The following GRXCR1 variants were observed in gnomAD, a reference collection of about 807,000 sequenced individuals.
GRXCR1 encodes the protein glutaredoxin domain-containing cysteine-rich protein 1.
A neutral mutation model predicts 27.3 loss-of-function variants in GRXCR1; 27 were observed. That is an observed-to-expected ratio of 0.99 (90% CI 0.73 to 1.37). GRXCR1 has a LOEUF of 1.37. GRXCR1 is among the 40% of genes most tolerant of loss of function. The probability of loss-of-function intolerance (pLI) is 0.00; values close to 1 mark genes in which losing one functional copy is unlikely to be tolerated. For synonymous variants in GRXCR1, 122 were observed against 131.1 expected, an observed-to-expected ratio of 0.93 and a Z score of 0.47; for missense variants, 379 against 354.4, an observed-to-expected ratio of 1.07 and a Z score of -0.56.
chr4:42,977,189 T>C (rs987903787), intron 2 of GRXCR1, among the ~76,000 whole-genome samples: 3 of 152,036 alleles, frequency 2.0e-5, no homozygotes, highest in Non-Finnish European at 4.4e-5. Context: ...TGTGTATATA[T>C]ATTTCACATT....
intron 1 of GRXCR1, among the ~76,000 whole-genome samples, chr4:42,921,221 G>A (rs1319111614): frequency 6.6e-6 from 1 of 152,034 alleles, no homozygotes; most frequent in Admixed American, 6.6e-5. Context: ...TAGTGAGAAG[G>A]CATCATCTAC....
intron 2 of GRXCR1, among the ~76,000 whole-genome samples, chr4:42,984,760 G>A (rs1421257718): frequency 1.3e-5 from 2 of 152,192 alleles, no homozygotes; most frequent in East Asian, 1.9e-4. Context: ...AGGCCTGCCT[G>A]TTGATGAGAG....
intron 1 of GRXCR1, among the ~76,000 whole-genome samples, chr4:42,946,698 CTCTT>C (rs1311344794): frequency 6.6e-6 from 1 of 152,124 alleles, no homozygotes. Flanking sequence ...TCCCTCTGGC[CTCTT>C]TTATAAAGGC....
At chr4:42,907,233 G>A (rs1287914265) in intron 1 of GRXCR1, among the ~76,000 whole-genome samples, 1 of 152,114 alleles carries the variant, frequency 6.6e-6, no homozygotes, top group Non-Finnish European at 1.5e-5. Context: ...TCAGTAGCTT[G>A]GGGGTGCATC....
At chr4:42,910,817 T>C (rs1254638046) in intron 1 of GRXCR1, among the ~76,000 whole-genome samples, 4 of 152,154 alleles carry the variant, frequency 2.6e-5, no homozygotes. Context: ...TTTTATATTG[T>C]CTGATTCTTT....
intron 1 of GRXCR1, among the ~76,000 whole-genome samples, chr4:42,914,905 C>T (rs1421424295): frequency 1.3e-5 from 2 of 152,086 alleles, no homozygotes; most frequent in Non-Finnish European, 2.9e-5. Flanking sequence ...TAAGGGGCTT[C>T]TCCCTTTGCT....
At chr4:42,924,632 G>A (rs1747104157) in intron 1 of GRXCR1, among the ~76,000 whole-genome samples, 1 of 151,950 alleles carries the variant, frequency 6.6e-6, no homozygotes. Flanking sequence ...ATGAATGCTA[G>A]GAATGTTTCT....
chr4:43,019,129 C>T (rs2109806564), intron 2 of GRXCR1, among the ~76,000 whole-genome samples: 1 of 152,272 alleles, frequency 6.6e-6, no homozygotes, highest in East Asian at 1.9e-4. Flanking sequence ...TCTTTGAGGT[C>T]CAGATCAAAT....
chr4:42,947,013 C>T (rs1747759012), intron 1 of GRXCR1, among the ~76,000 whole-genome samples: 1 of 151,940 alleles, frequency 6.6e-6, no homozygotes, highest in Non-Finnish European at 1.5e-5. Context: ...GAAGGGCTCC[C>T]TAGAGATAGT....
At chr4:42,937,685 C>T (rs1454225111) in intron 1 of GRXCR1, among the ~76,000 whole-genome samples, 1 of 151,886 alleles carries the variant, frequency 6.6e-6, no homozygotes, top group Non-Finnish European at 1.5e-5. Context: ...CCACTCTCAA[C>T]AATAAGAAAC....
chr4:42,951,217 T>G (rs1449042842), intron 1 of GRXCR1, among the ~76,000 whole-genome samples: 8 of 152,220 alleles, frequency 5.3e-5, no homozygotes, highest in Admixed American at 2.0e-4. Flanking sequence ...TCTGCCTTTT[T>G]GTTCTATTCA....
chr4:42,999,601 C>T (rs2109795547), intron 2 of GRXCR1, among the ~76,000 whole-genome samples: 1 of 152,330 alleles, frequency 6.6e-6, no homozygotes, highest in South Asian at 2.1e-4. Context: ...ATGCCTCTCC[C>T]ATCCTCAGGT....
At chr4:42,929,150 T>C (rs1445220286) in intron 1 of GRXCR1, among the ~76,000 whole-genome samples, 1 of 151,990 alleles carries the variant, frequency 6.6e-6, no homozygotes, top group Non-Finnish European at 1.5e-5. Flanking sequence ...TCTTATTATA[T>C]TGTGCATAGG....
chr4:42,956,224 G>A (rs1748000549), intron 1 of GRXCR1, among the ~76,000 whole-genome samples: 1 of 152,008 alleles, frequency 6.6e-6, no homozygotes, highest in Non-Finnish European at 1.5e-5. Context: ...GGAAAAAATG[G>A]CCTATCTTTA....
intron 2 of GRXCR1, among the ~76,000 whole-genome samples, chr4:42,970,790 G>C (rs187176611): frequency 2.0e-5 from 3 of 152,048 alleles, no homozygotes; most frequent in Non-Finnish European, 4.4e-5. Context: ...TCCTTTTTAC[G>C]TATGCAAATT....
At chr4:42,940,125 C>G (rs1747580705) in intron 1 of GRXCR1, among the ~76,000 whole-genome samples, 2 of 151,930 alleles carry the variant, frequency 1.3e-5, no homozygotes, top group Admixed American at 1.3e-4. Flanking sequence ...TTTCTGAGTT[C>G]TTCATGGTGA....
intron 2 of GRXCR1, among the ~76,000 whole-genome samples, chr4:43,001,435 G>A (rs1437242754): frequency 6.6e-6 from 1 of 152,136 alleles, no homozygotes; most frequent in Non-Finnish European, 1.5e-5. Flanking sequence ...AAAGTATCCA[G>A]TTTAAAATGC....
chr4:42,928,458 G>T (rs185026061), intron 1 of GRXCR1, among the ~76,000 whole-genome samples: 1 of 151,962 alleles, frequency 6.6e-6, no homozygotes, highest in South Asian at 2.1e-4. Flanking sequence ...GTAAGGTCCT[G>T]TTGGCAGGGG....
chr4:42,964,736 A>G (rs1466820899), intron 2 of GRXCR1, among the ~76,000 whole-genome samples: 2 of 151,942 alleles, frequency 1.3e-5, no homozygotes, highest in Non-Finnish European at 2.9e-5. Flanking sequence ...TTTTAGGACC[A>G]CAAACAGGTC....
Sources: gnomAD v4.1 joint callset for allele counts (sites outside exome capture counted in the v4.1 genomes callset) on GRCh38, gnomAD v4.1.1 for gene constraint, MANE v1.5 for transcripts, NCBI Gene and HGNC (gene_info 2026-07-23, HGNC 2026-07-21) for gene names.